NOL11: variants seen among roughly 807,000 people sequenced by gnomAD.
NOL11 encodes the protein nucleolar protein 11.
A neutral mutation model predicts 93.0 loss-of-function variants in NOL11; 42 were observed. That is an observed-to-expected ratio of 0.45 (90% CI 0.35 to 0.58). NOL11 has a LOEUF of 0.58. Among genes scored for constraint, NOL11 ranks in the 20% least tolerant of loss-of-function variants. NOL11 has a pLI of 0.00. For missense variants in NOL11, 775 were observed against 841.8 expected (o/e 0.92, Z 0.98); for synonymous variants, 296 against 293.7 (o/e 1.01, Z -0.08).
Position 67,721,510 on chromosome 17 carries a change from G to C in NOL11, c.445G>C (p.Asp149His). The C allele has an allele frequency of 1.2e-6, 2 of 1,612,900 alleles. No individual in the cohort carries two copies. The highest frequency in any genetic ancestry group is 3.3e-5 in the Admixed American group (2 of 59,734). ...PQQKIETVIS[D>H]EEVIKWTKFF... ...GCAGAAAATTGAAACTGTTATCTCT[G>C]ATGAAGAAGTGATTAAGTAAGTTCC... The change falls in exon 4 of 18, where the codon GAT becomes CAT. Residue 149 changes from aspartate (D) to histidine (H), a missense_variant. By Grantham distance (81) the Asp-to-His change is moderately conservative. This residue lies in a region of NOL11 where 359 missense variants were observed against 316.5 expected (regional missense o/e 1.13). Coordinates refer to ENST00000253247, the MANE Select transcript of NOL11 (RefSeq NM_015462.5).
At chr17:67,721,285 A>G (rs1285242747) in intron 3 of NOL11, 93 bp from the exon 4 acceptor site, 1 of 711,220 alleles carries the variant, frequency 1.4e-6, no homozygotes, top group African/African-American at 1.8e-5. Flanking sequence ...ATGAAAATAA[A>G]GCAGTCACTT....
At chr17:67,733,846 C>T (rs2143121566) in intron 7 of NOL11, among the ~76,000 whole-genome samples, 1 of 152,034 alleles carries the variant, frequency 6.6e-6, no homozygotes, top group Non-Finnish European at 1.5e-5. Context: ...GGAGTCAATC[C>T]TTCTTGGTCA....
intron 7 of NOL11, 160 bp downstream of exon 7, chr17:67,726,808 T>C: frequency 1.9e-6 from 1 of 516,510 alleles, no homozygotes; most frequent in Non-Finnish European, 3.3e-6. Context: ...CTTCTTGAAT[T>C]GGTTTTTATT....
intron 5 of NOL11, among the ~76,000 whole-genome samples, 194 bp downstream of exon 5, chr17:67,722,831 A>G (rs2043228679): frequency 6.6e-6 from 1 of 152,070 alleles, no homozygotes; most frequent in African/African-American, 2.4e-5. Flanking sequence ...AGCTGGGACT[A>G]CAGGCATGCA....
chr17:67,734,429 C>T lies in NOL11; in HGVS notation c.920C>T (p.Thr307Ile), dbSNP rs372938548. 1.9e-4 allele frequency: 308 copies of T among 1,600,428 alleles called. No individual in the cohort carries two copies. The highest frequency in any genetic ancestry group is 1.5e-3 in the Middle Eastern group (9 of 6,042). ...ACTTCAAAAGAGTTACCACAAGGGA[C>T]CAGTGGTCAAGTAAGTTTTTTCACT... Reference protein sequence around the residue: ...LQTSKELPQGTSGQLWYYGEH... With the variant: ...LQTSKELPQGISGQLWYYGEH... Residue 307 changes from threonine (T) to isoleucine (I), a missense_variant, in exon 8 of 18, where the codon ACC becomes ATC. Physicochemically the swap from Thr to Ile is moderately conservative, Grantham distance 89. This residue lies in a region of NOL11 where 416 missense variants were observed against 525.2 expected (regional missense o/e 0.79). Coordinates refer to ENST00000253247, the MANE Select transcript of NOL11 (RefSeq NM_015462.5).
At chr17:67,731,251 GTTTTTTTT>G (rs1172300412) in intron 7 of NOL11, among the ~76,000 whole-genome samples, 1 of 12,688 alleles carries the variant, frequency 7.9e-5, no homozygotes, top group Non-Finnish European at 1.5e-4. Context: ...GTGCACAAAA[GTTTTTTTT>G]TTTTTTTTTT....
intron 8 of NOL11, among the ~76,000 whole-genome samples, chr17:67,735,007 T>C (rs964952892): frequency 7.2e-5 from 11 of 152,258 alleles, no homozygotes; most frequent in Non-Finnish European, 1.6e-4. Context: ...TTTTTACTTA[T>C]GTATTTTGAA....
At chr17:67,739,109 C>A in intron 15 of NOL11, 99 bp downstream of exon 15, 1 of 899,254 alleles carries the variant, frequency 1.1e-6, no homozygotes, top group Non-Finnish European at 1.7e-6. Context: ...TTATGAAATT[C>A]TTTCATGTGA....
In NOL11 at chr17:67,739,612, A is replaced by G; in HGVS notation, c.1935+4A>G. 1 of 1,551,366 alleles carries G rather than the reference A, an allele frequency of 6.4e-7. No homozygotes were observed. The stretch of plus-strand genomic sequence containing the variant: ...ACACCCACCTACCTTGAACCAGGTG[A>G]GATTATTTTTTTACTTTGATTTGGT... On this transcript the variant is annotated splice_donor_region_variant and intron_variant, in intron 16 of 17. Transcript: ENST00000253247.
chr17:67,721,548 T>G (rs1793750326), intron 4 of NOL11, 22 bp downstream of exon 4: 14 of 1,589,622 alleles, frequency 8.8e-6, no homozygotes, highest in Non-Finnish European at 1.2e-5. Flanking sequence ...TACTTGTAAG[T>G]AAATTTATCA....
intron 7 of NOL11, among the ~76,000 whole-genome samples, chr17:67,727,596 G>A (rs942063081): frequency 6.6e-5 from 10 of 152,002 alleles, no homozygotes; most frequent in East Asian, 1.9e-4. Context: ...GGTGGAGGTC[G>A]CAGTGAGCCA....
At chr17:67,743,706 AT>A in intron 17 of NOL11, 36 bp from the exon 18 acceptor site, 1 of 1,281,478 alleles carries the variant, frequency 7.8e-7, no homozygotes, top group Non-Finnish European at 1.1e-6. Context: ...CTATGTAGAC[AT>A]TATGGTAAAA....
At chr17:67,723,934 G>A (rs955378647) in intron 5 of NOL11, 115 bp from the exon 6 acceptor site, 3 of 659,816 alleles carry the variant, frequency 4.5e-6, no homozygotes, top group Non-Finnish European at 7.5e-6. Context: ...AGCATAAGAT[G>A]TTTTTAAGTA....
intron 1 of NOL11, 63 bp downstream of exon 1, chr17:67,718,151 C>G (rs2043190217): frequency 6.3e-7 from 1 of 1,582,546 alleles, no homozygotes; most frequent in Non-Finnish European, 8.6e-7. Context: ...GCGCGGAGCT[C>G]GAGCTCAAGT....
At position 67,731,261 on chromosome 17, in the gene NOL11, T is replaced by TCATGAAGTCCAA. The variant is rs1218765251; in HGVS notation, c.854-3102_854-3101insCATGAAGTCCAA. Among the ~76,000 whole-genome samples the TCATGAAGTCCAA allele has an allele frequency of 4.4e-3, 63 of 14,440 alleles. 3 individuals carry two copies. Among genetic ancestry groups the TCATGAAGTCCAA allele is most frequent in the South Asian group, 9.4e-3 (3 of 318 alleles). The allele number at this position is 14,440 out of a possible 152,430, so 9.5% of individuals were successfully genotyped here. ...CCTTCGTGCACAAAAGTTTTTTTTT[T>TCATGAAGTCCAA]TTTTTTTTTTTTTTTTTTTTGAGAC... On this transcript the variant is annotated intron_variant, in intron 7 of 17. Transcript: ENST00000253247.
intron 16 of NOL11, among the ~76,000 whole-genome samples, chr17:67,743,103 A>G (rs1001371064): frequency 6.6e-6 from 1 of 152,136 alleles, no homozygotes; most frequent in East Asian, 1.9e-4. Flanking sequence ...GTAGCTGGGT[A>G]TGATGGTGCA....
chr17:67,738,225 A>T lies in NOL11; in HGVS notation c.1633A>T (p.Ile545Phe). 6.2e-7 allele frequency: 1 copy of T among 1,613,080 alleles called. No individual in the cohort carries two copies. The highest frequency in any genetic ancestry group is 1.1e-5 in the South Asian group (1 of 91,058). ...TGAGAAAATGGAAGAGCAAACTGAA[A>T]TTCTTCAAAATGGCTTCAATCCTGA... ...HDEKMEEQTE[I>F]LQNGFNPEED... Residue 545 changes from isoleucine to phenylalanine, a missense_variant, in exon 14 of 18, where the codon ATT becomes TTT. Coordinates refer to ENST00000253247, the MANE Select transcript of NOL11 (RefSeq NM_015462.5).
intron 17 of NOL11, 60 bp downstream of exon 17, chr17:67,743,646 A>G (rs1157519960): frequency 1.6e-6 from 2 of 1,252,446 alleles, no homozygotes; most frequent in South Asian, 1.3e-5. Context: ...CTGAATTACA[A>G]TTATTCTTAA....
Position 67,726,441 on chromosome 17 carries a change from A to T in NOL11, c.665-19A>T. The T allele has an allele frequency of 6.3e-7, 1 of 1,593,202 alleles. No individual in the cohort carries two copies. Among genetic ancestry groups the T allele is most frequent in the Non-Finnish European group, 8.5e-7 (1 of 1,171,454 alleles). On this transcript the variant is annotated intron_variant, in intron 6 of 17. Coordinates refer to ENST00000253247, the MANE Select transcript of NOL11 (RefSeq NM_015462.5). ...GAAGTATCCTTCAATAACCAACAACAAATGCTTGTTTCCAACAGGCTCTGA... is the reference window on the plus strand; with the variant it reads ...GAAGTATCCTTCAATAACCAACAACTAATGCTTGTTTCCAACAGGCTCTGA...
Sources: allele counts gnomAD v4.1 joint callset (sites outside exome capture counted in the v4.1 genomes callset), GRCh38; gene constraint gnomAD v4.1.1; regional missense constraint gnomAD v4.1.1; transcripts MANE v1.5; gene names NCBI Gene and HGNC (gene_info 2026-07-23, HGNC 2026-07-21).